SEM1: variants seen among roughly 807,000 people sequenced by gnomAD.
SEM1 encodes the protein 26S proteasome complex subunit SEM1.
A neutral mutation model predicts 12.7 loss-of-function variants in SEM1; 3 were observed. That is an observed-to-expected ratio of 0.24 (90% CI 0.11 to 0.61). The LOEUF is 0.61. SEM1 is among the 20% of genes least tolerant of loss of function. SEM1 has a pLI of 0.88. For synonymous variants in SEM1, 30 were observed against 27.8 expected (o/e 1.08, Z -0.25); for missense variants, 59 against 81.3 (o/e 0.73, Z 1.06).
intron 1 of SEM1, among the ~76,000 whole-genome samples, chr7:96,487,744 C>T (rs1802832874): frequency 6.7e-6 from 1 of 150,120 alleles, no homozygotes; most frequent in Non-Finnish European, 1.5e-5. Flanking sequence ...TCCATGACAC[C>T]AGAGAGTCTC....
exon 3 of SEM1, chr7:96,673,542 A>C (rs1326330872): frequency 9.0e-6 from 5 of 558,378 alleles, no homozygotes; most frequent in Admixed American, 6.0e-5. Flanking sequence ...CTACCCAACA[A>C]TACTGCAGTA....
At chr7:96,519,473 G>T (rs1355487149) in intron 2 of SEM1, among the ~76,000 whole-genome samples, 2 of 152,062 alleles carry the variant, frequency 1.3e-5, no homozygotes, top group South Asian at 2.1e-4. Context: ...GGTAGATCAA[G>T]GTAAGTGGGA....
chr7:96,657,250 G>C (rs1263559159), intron 2 of SEM1, among the ~76,000 whole-genome samples: 1 of 152,178 alleles, frequency 6.6e-6, no homozygotes, highest in African/African-American at 2.4e-5. Context: ...TCTAAATTGA[G>C]GGTGGCTTAC....
At chr7:96,520,876 C>T (rs560602806) in intron 2 of SEM1, among the ~76,000 whole-genome samples, 1 of 152,178 alleles carries the variant, frequency 6.6e-6, no homozygotes, top group South Asian at 2.1e-4. Flanking sequence ...GCCCACTGAT[C>T]CCAGCTTGCA....
At chr7:96,669,663 A>G (rs945889468), downstream of SEM1, among the ~76,000 whole-genome samples, 2 of 152,144 alleles carry the variant, frequency 1.3e-5, no homozygotes, top group South Asian at 4.1e-4. Flanking sequence ...GATACATAAG[A>G]TAAGTGGCCT....
chr7:96,600,410 A>G (rs1012685171), intron 2 of SEM1, among the ~76,000 whole-genome samples: 3 of 152,230 alleles, frequency 2.0e-5, no homozygotes, highest in African/African-American at 7.2e-5. Flanking sequence ...CAAACTTTCT[A>G]GAATGAGTTA....
rs528421041 is a variant in SEM1 at position 96,501,917 on chromosome 7, C to T, written c.*60+4706G>A. Among the ~76,000 whole-genome samples, 33 of 152,058 alleles carry T rather than the reference C, an allele frequency of 2.2e-4. No individual in the cohort carries two copies. The South Asian group carries it at 6.8e-3, about 32-fold the overall frequency. Reference sequence around the variant, plus strand: ...AGTCCAAAGTGTCTGTTGTTATAACCCATCTTTATATCCATGAGTACCCAA... The same window carrying T: ...AGTCCAAAGTGTCTGTTGTTATAACTCATCTTTATATCCATGAGTACCCAA... On this transcript the variant is annotated intron_variant and NMD_transcript_variant, in intron 3 of 3. Coordinates refer to the SEM1 transcript ENST00000466986.
At chr7:96,615,891 A>T (rs1807703803) in intron 2 of SEM1, among the ~76,000 whole-genome samples, 1 of 152,158 alleles carries the variant, frequency 6.6e-6, no homozygotes, top group South Asian at 2.1e-4. Context: ...AAATGTCTTC[A>T]TTATTTTCTA....
At chr7:96,584,370 AC>A (rs1806534485) in intron 2 of SEM1, among the ~76,000 whole-genome samples, 1 of 152,054 alleles carries the variant, frequency 6.6e-6, no homozygotes, top group African/African-American at 2.4e-5. Flanking sequence ...TTTGAGGGTA[AC>A]CCGACCTTTC....
chr7:96,617,059 G>C (rs1807743964), intron 2 of SEM1, among the ~76,000 whole-genome samples: 2 of 151,984 alleles, frequency 1.3e-5, no homozygotes, highest in African/African-American at 4.8e-5. Context: ...CGAATTTCAG[G>C]ATGTTTTTTC....
intron 1 of SEM1, 148 bp from the exon 2 acceptor site, chr7:96,695,039 G>A (rs1267772475): frequency 5.6e-6 from 3 of 536,798 alleles, no homozygotes; most frequent in South Asian, 3.1e-5. Flanking sequence ...TTAAATCTGA[G>A]CTTATGCTGT....
chr7:96,584,939 T>G (rs1806559200), intron 2 of SEM1, among the ~76,000 whole-genome samples: 1 of 150,944 alleles, frequency 6.6e-6, no homozygotes, highest in South Asian at 2.1e-4. Flanking sequence ...CGGAGTAATT[T>G]GATCGTCTGA....
At chr7:96,555,353 C>T (rs1464579229) in intron 2 of SEM1, among the ~76,000 whole-genome samples, 3 of 151,360 alleles carry the variant, frequency 2.0e-5, no homozygotes, top group Admixed American at 2.0e-4. Context: ...CCTCTACACA[C>T]TGTTTGAATG....
At chr7:96,494,460 G>A (rs974853258) in intron 1 of SEM1, among the ~76,000 whole-genome samples, 1 of 151,992 alleles carries the variant, frequency 6.6e-6, no homozygotes, top group African/African-American at 2.4e-5. Context: ...CTTGAGAAGG[G>A]CTTAGGAGGA....
rs150747800 is a variant in SEM1, at chr7:96,590,430, G to A, written c.171-83732C>T. 5.3e-5 allele frequency among the ~76,000 whole-genome samples: 8 copies of A among 152,164 alleles called. No homozygotes were observed. The East Asian group carries it at 1.4e-3, about 26-fold the overall frequency. On this transcript the variant is annotated intron_variant and NMD_transcript_variant, in intron 2 of 3. Coordinates refer to the SEM1 transcript ENST00000466986. The stretch of plus-strand genomic sequence containing the variant: ...TTCTACAAGTCACAGGAAACTCCAC[G>A]AACAAGCACTCTTTTTTGTTATATA...
At chr7:96,696,994 G>GAT (rs1790117403) in intron 1 of SEM1, 1 of 151,808 alleles carries the variant, frequency 6.6e-6, no homozygotes, top group African/African-American at 2.4e-5. Flanking sequence ...ACCAAACAAT[G>GAT]ATACCCATGA....
chr7:96,495,993 G>A (rs1020288124), intron 1 of SEM1, among the ~76,000 whole-genome samples: 2 of 152,018 alleles, frequency 1.3e-5, no homozygotes, highest in African/African-American at 4.8e-5. Flanking sequence ...GAAAACAGCC[G>A]CAGGCCTCTC....
intron 2 of SEM1, among the ~76,000 whole-genome samples, chr7:96,609,118 T>C (rs1003170427): frequency 2.0e-5 from 3 of 152,178 alleles, no homozygotes; most frequent in African/African-American, 7.2e-5. Flanking sequence ...ATCTTTTTAT[T>C]ATAGCCATCC....
At chr7:96,556,946 T>A (rs1805524232) in intron 2 of SEM1, among the ~76,000 whole-genome samples, 1 of 149,690 alleles carries the variant, frequency 6.7e-6, no homozygotes, top group Non-Finnish European at 1.5e-5. Flanking sequence ...TCATTTCATC[T>A]TCCATTGCTG....
Sources: allele counts gnomAD v4.1 joint callset (sites outside exome capture counted in the v4.1 genomes callset), GRCh38; gene constraint gnomAD v4.1.1; transcripts MANE v1.5; gene names NCBI Gene and HGNC (gene_info 2026-07-23, HGNC 2026-07-21).